The following STXBP5 variants were observed in gnomAD, a reference collection of about 807,000 sequenced individuals.
The protein encoded by STXBP5 is syntaxin-binding protein 5.
STXBP5 carries 50 observed loss-of-function variants against 152.4 expected under a neutral mutation model. The ratio of observed to expected loss-of-function variants is 0.33; its 90% CI spans 0.26 to 0.42. The LOEUF (loss-of-function observed/expected upper bound fraction) is 0.42. Among genes scored for constraint, STXBP5 ranks in the 10% least tolerant of loss-of-function variants. The probability of loss-of-function intolerance (pLI) is 1.00; values close to 1 mark genes in which losing one functional copy is unlikely to be tolerated. For missense variants in STXBP5, 1,167 were observed against 1,388.6 expected (o/e 0.84, Z 2.54); for synonymous variants, 492 against 494.7 (o/e 0.99, Z 0.07).
chr6:147,213,677 G>T (rs1048259303), intron 2 of STXBP5, among the ~76,000 whole-genome samples: 3 of 151,872 alleles, frequency 2.0e-5, no homozygotes, highest in Non-Finnish European at 2.9e-5. Flanking sequence ...TAATCAGAAT[G>T]TGTATTTGTT....
chr6:147,332,442 A>C (rs531431978), intron 18 of STXBP5, among the ~76,000 whole-genome samples: 9 of 152,238 alleles, frequency 5.9e-5, no homozygotes, highest in Non-Finnish European at 1.3e-4. Context: ...TCAGGTTTAA[A>C]GGACGTGAGA....
chr6:147,222,475 C>T (rs1462691538), intron 2 of STXBP5, among the ~76,000 whole-genome samples: 1 of 152,020 alleles, frequency 6.6e-6, no homozygotes, highest in Non-Finnish European at 1.5e-5. Context: ...GCTTCTTAAT[C>T]TCTTCTCCCC....
rs554182489 is a variant in STXBP5 at position 147,357,029 on chromosome 6, C to T, written c.2306-2055C>T. Among the ~76,000 whole-genome samples, 101 of 152,160 alleles carry T rather than the reference C, an allele frequency of 6.6e-4. No individual in the cohort carries two copies. The South Asian group carries it at 0.011, about 17-fold the overall frequency. On this transcript the variant is annotated intron_variant, in intron 22 of 27. Transcript: ENST00000321680. ...TTCCTTTCACATGCAAGACAGTGTG[C>T]GAAATTCCAAAGGATATCAAAACGA...
chr6:147,277,323 G>T (rs755425440), intron 7 of STXBP5, among the ~76,000 whole-genome samples: 1 of 152,042 alleles, frequency 6.6e-6, no homozygotes, highest in Non-Finnish European at 1.5e-5. Context: ...CAGTAGGGTG[G>T]CTTTAAGTCA....
At chr6:147,216,995 G>A (rs528863520) in intron 2 of STXBP5, among the ~76,000 whole-genome samples, 1 of 152,318 alleles carries the variant, frequency 6.6e-6, no homozygotes, top group Non-Finnish European at 1.5e-5. Context: ...AATAAGTGCA[G>A]TCTGGAACTT....
At position 147,359,220 on chromosome 6, in the gene STXBP5, T is replaced by C. The variant is rs1170494211; in HGVS notation, c.2442T>C (p.Cys814=). Residue 814 remains cysteine, a synonymous_variant, in exon 23 of 28, where the codon TGT becomes TGC. Coordinates refer to ENST00000321680, the MANE Select transcript of STXBP5 (RefSeq NM_001127715.4). ...AGACGGACTCGTCCCCTTCCCCTTG[T>C]CTATGGGTTGGAACAACGCTAGGAA... The part of the protein sequence containing the change: ...TRKTDSSPSP[C]LWVGTTLGTV... The C allele has an allele frequency of 2.5e-6, 4 of 1,613,942 alleles. No individual in the cohort carries two copies. The highest frequency in any genetic ancestry group is 1.6e-4 in the Middle Eastern group (1 of 6,080).
chr6:147,357,229 G>A (rs1784856244), intron 22 of STXBP5, among the ~76,000 whole-genome samples: 1 of 152,066 alleles, frequency 6.6e-6, no homozygotes, highest in South Asian at 2.1e-4. Context: ...GAAACTTCAG[G>A]AAGTTGACAG....
At chr6:147,279,729 G>T (rs1242941912) in intron 8 of STXBP5, among the ~76,000 whole-genome samples, 1 of 152,000 alleles carries the variant, frequency 6.6e-6, no homozygotes, top group South Asian at 2.1e-4. Flanking sequence ...AATGTATTTT[G>T]TTCCTTCCTT....
intron 26 of STXBP5, among the ~76,000 whole-genome samples, chr6:147,375,236 C>G (rs1383282071): frequency 2.0e-5 from 3 of 152,086 alleles, no homozygotes; most frequent in African/African-American, 7.2e-5. Context: ...TTGGAATTAT[C>G]AAACACAGAC....
intron 9 of STXBP5, among the ~76,000 whole-genome samples, chr6:147,292,063 C>T (rs1171016279): frequency 6.6e-6 from 1 of 152,144 alleles, no homozygotes; most frequent in Non-Finnish European, 1.5e-5. Context: ...ACAGGAAATG[C>T]TGATGCACTC....
intron 8 of STXBP5, among the ~76,000 whole-genome samples, chr6:147,285,907 A>C (rs538829078): frequency 6.6e-6 from 1 of 152,334 alleles, no homozygotes; most frequent in South Asian, 2.1e-4. Context: ...TTGAACCTAA[A>C]TGTAAAATTT....
At chr6:147,248,141 G>A (rs1053428188) in intron 4 of STXBP5, among the ~76,000 whole-genome samples, 6 of 151,958 alleles carry the variant, frequency 3.9e-5, no homozygotes, top group African/African-American at 1.2e-4. Context: ...TTAGCCAGGC[G>A]TGGAAGTGGG....
rs936962098 is a variant in STXBP5, at chr6:147,230,562, G to A, written c.249-4688G>A. Among the ~76,000 whole-genome samples, 6 of 151,792 alleles carry A rather than the reference G, an allele frequency of 4.0e-5. No individual in the cohort carries two copies. In the South Asian group the frequency reaches 1.0e-3, roughly 26 times the overall value. On this transcript the variant is annotated intron_variant, in intron 2 of 27. Transcript: ENST00000321680. ...TTTATTAAGTACCCAGTTGTGAAAC[G>A]TTGATTATAAATATATGTTCCTTTT...
Position 147,364,088 on chromosome 6 carries a change from T to C in STXBP5, c.3003T>C (p.Asn1001=). 6.2e-7 allele frequency: 1 copy of C among 1,614,020 alleles called. No individual in the cohort carries two copies. Among genetic ancestry groups the C allele is most frequent in the Non-Finnish European group, 8.5e-7 (1 of 1,179,942 alleles). ...CCAGAACGTTCTGCTTTACCAACAA[T>C]GGACAAGCATTATACCTTGTTTCAC... is the stretch of plus-strand genomic sequence containing the variant. ...RIARTFCFTN[N]GQALYLVSPT... Residue 1001 remains asparagine (N), a synonymous_variant, in exon 25 of 28, where the codon AAT becomes AAC. Transcript: ENST00000321680.
intron 22 of STXBP5, among the ~76,000 whole-genome samples, chr6:147,357,949 T>C (rs557282304): frequency 5.3e-5 from 8 of 152,248 alleles, no homozygotes; most frequent in Admixed American, 3.9e-4. Flanking sequence ...GGCTAGGGCT[T>C]GAGACAAGCT....
At position 147,257,161 on chromosome 6, in the gene STXBP5, A is replaced by G. The variant is rs546601201; in HGVS notation, c.432-3454A>G. Among the ~76,000 whole-genome samples, 3 of 151,478 alleles carry G rather than the reference A, an allele frequency of 2.0e-5. No homozygotes were observed. In the East Asian group the frequency reaches 5.9e-4, roughly 30 times the overall value. ...GTCAAGTGCAGTATAGGGATTTAGA[A>G]TACAAGTTGTATTCTACAAGAATCC... On this transcript the variant is annotated intron_variant, in intron 4 of 27. Transcript: ENST00000321680.
At chr6:147,235,195 C>A in intron 2 of STXBP5, 55 bp from the exon 3 acceptor site, 21 of 1,460,748 alleles carry the variant, frequency 1.4e-5, no homozygotes, top group Non-Finnish European at 2.0e-5. Flanking sequence ...ATATAACTTA[C>A]CAGTTTCTCA....
At chr6:147,349,681 C>T (rs1361202535) in intron 21 of STXBP5, among the ~76,000 whole-genome samples, 1 of 152,112 alleles carries the variant, frequency 6.6e-6, no homozygotes, top group African/African-American at 2.4e-5. Flanking sequence ...GTGAGTAGTA[C>T]ATACTACATT....
intron 1 of STXBP5, 76 bp from the exon 2 acceptor site, chr6:147,205,894 TA>T: frequency 1.8e-6 from 2 of 1,100,570 alleles, no homozygotes; most frequent in Non-Finnish European, 2.8e-6. Context: ...TTCTAAATTC[TA>T]ACGCCTCTAT....
Sources: allele counts gnomAD v4.1 joint callset (sites outside exome capture counted in the v4.1 genomes callset), GRCh38; gene constraint gnomAD v4.1.1; transcripts MANE v1.5; gene names NCBI Gene and HGNC (gene_info 2026-07-23, HGNC 2026-07-21).